UBE2J1: variants seen among roughly 807,000 people sequenced by gnomAD.
UBE2J1 encodes the protein ubiquitin conjugating enzyme E2 J1, also known as ubiquitin-conjugating enzyme E2 J1.
Under a neutral mutation model 42.1 loss-of-function variants are expected in UBE2J1, and 17 were observed. The ratio of observed to expected loss-of-function variants is 0.40; its 90% CI spans 0.28 to 0.61. The LOEUF (loss-of-function observed/expected upper bound fraction) is 0.61, where lower values mean the gene tolerates loss of function less well. UBE2J1 is among the 20% of genes least tolerant of loss of function. UBE2J1 has a pLI of 0.38. For synonymous variants in UBE2J1, 127 were observed against 137.2 expected, an observed-to-expected ratio of 0.93 and a Z score of 0.52; for missense variants, 291 against 389.4, an observed-to-expected ratio of 0.75 and a Z score of 2.13.
intron 3 of UBE2J1, among the ~76,000 whole-genome samples, chr6:89,340,823 C>T (rs901450573): frequency 6.0e-5 from 9 of 150,620 alleles, no homozygotes; most frequent in South Asian, 4.2e-4. Flanking sequence ...GGCTGGACTG[C>T]GGACTGCAGT....
chr6:89,334,540 C>T (rs1423373576), intron 6 of UBE2J1, among the ~76,000 whole-genome samples: 2 of 148,454 alleles, frequency 1.3e-5, no homozygotes, highest in Admixed American at 1.3e-4. Context: ...GGCGCGATCT[C>T]GGCTCACCGC....
In UBE2J1 at chr6:89,329,949, G is replaced by T; in HGVS notation, c.687C>A (p.Leu229=). 1 of 1,613,912 alleles carries T rather than the reference G, an allele frequency of 6.2e-7. No individual in the cohort carries two copies. The highest frequency in any genetic ancestry group is 1.1e-5 in the South Asian group (1 of 91,066). Residue 229 remains leucine, a synonymous_variant, in exon 8 of 8, where the codon CTC becomes CTA. Transcript: ENST00000435041. Reference sequence around the variant, plus strand: ...GAAAGGATGCTGCTGAGGAATTCTGGAGTCCGTACTAGGAAATTTTAAGAA... The same window carrying T: ...GAAAGGATGCTGCTGAGGAATTCTGTAGTCCGTACTAGGAAATTTTAAGAA... ...QGATASTSYG[L]QNSSAASFHQ... is the part of the protein sequence containing the mutation.
rs749220298 is a variant in UBE2J1, at chr6:89,329,815, C to T, written c.821G>A (p.Gly274Asp). ...AGTGTGGTTGTCTCTTGGCTGGTGG[C>T]CCTGGATTACATCTGGTGAAGTAGA... ...RLSTSPDVIQ[G>D]HQPRDNHTDH... Residue 274 changes from glycine (G) to aspartate (D), a missense_variant, in exon 8 of 8, where the codon GGC becomes GAC. Coordinates refer to ENST00000435041, the MANE Select transcript of UBE2J1 (RefSeq NM_016021.3). 6.2e-6 allele frequency: 10 copies of T among 1,614,070 alleles called. No homozygotes were observed. The highest frequency in any genetic ancestry group is 7.6e-6 in the Non-Finnish European group (9 of 1,179,998).
chr6:89,348,069 C>T lies in UBE2J1; in HGVS notation c.32-4313G>A, dbSNP rs531539406. Among the ~76,000 whole-genome samples, 440 of 152,312 alleles carry T rather than the reference C, an allele frequency of 2.9e-3. 3 individuals carry two copies. Among genetic ancestry groups the T allele is most frequent in the African/African-American group, 9.9e-3 (413 of 41,556 alleles). On this transcript the variant is annotated intron_variant, in intron 1 of 7. Coordinates refer to ENST00000435041, the MANE Select transcript of UBE2J1 (RefSeq NM_016021.3). ...AGTCATGGTTCACAGTGCTGCCTGGCAACCGGGCTACAGCATAGTCTGCCC... is the reference window on the plus strand; with the variant it reads ...AGTCATGGTTCACAGTGCTGCCTGGTAACCGGGCTACAGCATAGTCTGCCC...
chr6:89,328,680 G>A lies in UBE2J1; in HGVS notation c.*999C>T, dbSNP rs570567112. ...TTTTTCCACTGAAAATTCTTTCTTG[G>A]GCTCTGACTAGGTGGACAATTCTAA... is the stretch of plus-strand genomic sequence containing the variant. On this transcript the variant is annotated 3_prime_UTR_variant, in exon 8 of 8. Transcript: ENST00000435041. 1 of 152,128 alleles carries A rather than the reference G, an allele frequency of 6.6e-6. No individual in the cohort carries two copies. The highest frequency in any genetic ancestry group is 1.5e-5 in the Non-Finnish European group (1 of 67,996). The allele number at this position is 152,128 out of a possible 1,614,324, so 9.4% of individuals were successfully genotyped here.
intron 1 of UBE2J1, among the ~76,000 whole-genome samples, chr6:89,345,386 G>A (rs959250980): frequency 6.6e-6 from 1 of 152,174 alleles, no homozygotes; most frequent in African/African-American, 2.4e-5. Flanking sequence ...TGGATCACCT[G>A]AGGTCAAGAG....
At chr6:89,344,514 C>T (rs1768321184) in intron 1 of UBE2J1, among the ~76,000 whole-genome samples, 1 of 152,152 alleles carries the variant, frequency 6.6e-6, no homozygotes, top group African/African-American at 2.4e-5. Context: ...TTGTACACTC[C>T]CTTAATAAAA....
chr6:89,338,891 T>G (rs2127866308), intron 3 of UBE2J1, among the ~76,000 whole-genome samples: 1 of 152,128 alleles, frequency 6.6e-6, no homozygotes, highest in South Asian at 2.1e-4. Context: ...GGTCTCGATA[T>G]CCTGACCTTG....
At position 89,329,902 on chromosome 6, in the gene UBE2J1, G is replaced by C; in HGVS notation, c.734C>G (p.Ala245Gly). 2 of 1,614,084 alleles carry C rather than the reference G, an allele frequency of 1.2e-6. No homozygotes were observed. Among genetic ancestry groups the C allele is most frequent in the Non-Finnish European group, 1.7e-6 (2 of 1,179,978 alleles). ...TCGAGGGCTCATGGAGGTATTCTTA[G>C]CTACAGGTTGGGTAGGTTGATGAAA... ...ASFHQPTQPV[A>G]KNTSMSPRQR... Residue 245 changes from alanine to glycine, a missense_variant, in exon 8 of 8, where the codon GCT (alanine) becomes GGT (glycine). Coordinates refer to ENST00000435041, the MANE Select transcript of UBE2J1 (RefSeq NM_016021.3).
At chr6:89,350,300 A>G (rs776829192) in intron 1 of UBE2J1, among the ~76,000 whole-genome samples, 3 of 152,230 alleles carry the variant, frequency 2.0e-5, no homozygotes, top group Non-Finnish European at 2.9e-5. Flanking sequence ...GTAAAAGATT[A>G]TATCCCTCAC....
At chr6:89,336,609 A>C (rs1768111632) in intron 5 of UBE2J1, among the ~76,000 whole-genome samples, 1 of 151,810 alleles carries the variant, frequency 6.6e-6, no homozygotes, top group Non-Finnish European at 1.5e-5. Flanking sequence ...CTGGGATTAC[A>C]AGCATGAGCC....
chr6:89,346,248 C>T (rs913495120), intron 1 of UBE2J1, among the ~76,000 whole-genome samples: 3 of 152,044 alleles, frequency 2.0e-5, no homozygotes, highest in Admixed American at 2.0e-4. Context: ...GAACTAAGCC[C>T]CTATATGCAG....
chr6:89,333,223 C>A lies in UBE2J1; in HGVS notation c.559-18G>T. 6.3e-7 allele frequency: 1 copy of A among 1,595,796 alleles called. No individual in the cohort carries two copies. Among genetic ancestry groups the A allele is most frequent in the Non-Finnish European group, 8.5e-7 (1 of 1,173,136 alleles). Reference sequence around the variant, plus strand: ...ACTTCTGCCTATAAACAAGATAGACCCAAGAGCAGTGTGACAACAGGAAAC... The same window carrying A: ...ACTTCTGCCTATAAACAAGATAGACACAAGAGCAGTGTGACAACAGGAAAC... On this transcript the variant is annotated intron_variant, in intron 6 of 7. Coordinates refer to ENST00000435041, the MANE Select transcript of UBE2J1 (RefSeq NM_016021.3).
rs1768509655 is a variant in UBE2J1 at position 89,352,612 on chromosome 6, C to T, written c.-43G>A. ...GCTCCGGCCTCCCGGGCCGCTGCCA[C>T]CTCCTCTCCACGCGGCCGCTGCCCG... On this transcript the variant is annotated 5_prime_UTR_variant, in exon 1 of 8. It adds an upstream start codon to the 5' untranslated region. Transcript: ENST00000435041. The T allele has an allele frequency of 1.3e-6, 2 of 1,524,160 alleles. No homozygotes were observed. Among genetic ancestry groups the T allele is most frequent in the Non-Finnish European group, 8.8e-7 (1 of 1,138,310 alleles). 94.4% of individuals were successfully genotyped at this position (1,524,160 alleles called of 1,614,324 possible).
In UBE2J1 at chr6:89,342,325, G is replaced by A. The variant is rs774084923; in HGVS notation, c.236C>T (p.Thr79Met). ...PMKPPSIILLTANGRFEVGKK... is the reference protein window; with the variant it reads ...PMKPPSIILLMANGRFEVGKK... Reference sequence around the variant, plus strand: ...ACTCTAAAAATCCAAAATTCTTACCGTTAGGAGAATAATGCTTGGTGGTTT... The same window carrying A: ...ACTCTAAAAATCCAAAATTCTTACCATTAGGAGAATAATGCTTGGTGGTTT... Residue 79 changes from threonine to methionine, a missense_variant and splice_region_variant, in exon 3 of 8, where the codon ACG (threonine) becomes ATG (methionine). This residue lies in a region of UBE2J1 where 115 missense variants were observed against 193.1 expected (regional missense o/e 0.60). Transcript: ENST00000435041. 1.4e-5 allele frequency: 23 copies of A among 1,613,738 alleles called. No individual in the cohort carries two copies. Among genetic ancestry groups the A allele is most frequent in the East Asian group, 2.2e-5 (1 of 44,874 alleles).
intron 1 of UBE2J1, among the ~76,000 whole-genome samples, chr6:89,348,228 G>C (rs1368343291): frequency 6.6e-6 from 1 of 152,206 alleles, no homozygotes; most frequent in Non-Finnish European, 1.5e-5. Flanking sequence ...AGGAAAGGAA[G>C]GGGTGGCACC....
chr6:89,338,857 G>A (rs1768172150), intron 3 of UBE2J1, among the ~76,000 whole-genome samples: 1 of 151,694 alleles, frequency 6.6e-6, no homozygotes, highest in Non-Finnish European at 1.5e-5. Flanking sequence ...AGTAGAGACG[G>A]GGTTTCACCG....
In UBE2J1 at chr6:89,328,497, A is replaced by C. The variant is rs1202123236; in HGVS notation, c.*1182T>G. 3 of 152,200 alleles carry C rather than the reference A, an allele frequency of 2.0e-5. No homozygotes were observed. Among genetic ancestry groups the C allele is most frequent in the African/African-American group, 7.2e-5 (3 of 41,442 alleles). The allele number at this position is 152,200 out of a possible 1,614,324, so 9.4% of individuals were successfully genotyped here. ...GGAACCACCTGTATTTAAAAATTAA[A>C]TCTTCATTAACAACACCCTCAAGAG... On this transcript the variant is annotated 3_prime_UTR_variant, in exon 8 of 8. Coordinates refer to ENST00000435041, the MANE Select transcript of UBE2J1 (RefSeq NM_016021.3).
Position 89,331,849 on chromosome 6 carries a change from AAAGT to A in UBE2J1, c.678+1233_678+1236del, listed in dbSNP as rs201524449. On this transcript the variant is annotated intron_variant, in intron 7 of 7. Transcript: ENST00000435041. ...TATTAGAAAAAAAACTATGAAATAA[AAAGT>A]AATTAGAAAGCTTTTTCAATATCTT... 8.7e-3 allele frequency among the ~76,000 whole-genome samples: 1,323 copies of A among 152,326 alleles called. 19 individuals are homozygous for A. Among genetic ancestry groups the A allele is most frequent in the African/African-American group, 0.028 (1,184 of 41,564 alleles).
Sources: allele counts gnomAD v4.1 joint callset (sites outside exome capture counted in the v4.1 genomes callset), GRCh38; gene constraint gnomAD v4.1.1; regional missense constraint gnomAD v4.1.1; transcripts MANE v1.5; gene names NCBI Gene and HGNC (gene_info 2026-07-23, HGNC 2026-07-21).